The following PDE8B variants were observed in gnomAD, a reference collection of about 807,000 sequenced individuals.
PDE8B encodes high affinity cAMP-specific and IBMX-insensitive 3',5'-cyclic phosphodiesterase 8B.
A neutral mutation model predicts 101.3 loss-of-function variants in PDE8B; 26 were observed. The ratio of observed to expected loss-of-function variants is 0.26; its 90% CI spans 0.19 to 0.36. The LOEUF is 0.36. PDE8B is among the 10% of genes least tolerant of loss of function. The pLI is 1.00. For synonymous variants in PDE8B, 424 were observed against 429.3 expected (o/e 0.99, Z 0.15); for missense variants, 810 against 1,163.1 (o/e 0.70, Z 4.42).
Position 77,342,671 on chromosome 5 carries a change from A to G in PDE8B, c.798-2182A>G, listed in dbSNP as rs559887096. On this transcript the variant is annotated intron_variant, in intron 6 of 21. Transcript: ENST00000264917. ...TGCTGTGTTGGACAGTAAATAGCTT[A>G]CTGTATTTGGAGTTGCTCTAGATTA... is the stretch of plus-strand genomic sequence containing the variant. Among the ~76,000 whole-genome samples, 22 of 152,288 alleles carry G rather than the reference A, an allele frequency of 1.4e-4. No individual in the cohort carries two copies. In the East Asian group the frequency reaches 4.1e-3, roughly 28 times the overall value.
At chr5:77,275,753 C>T (rs899580598) in intron 1 of PDE8B, among the ~76,000 whole-genome samples, 21 of 152,322 alleles carry the variant, frequency 1.4e-4, no homozygotes, top group Non-Finnish European at 1.5e-4. Flanking sequence ...TTGTGTCCCA[C>T]GTGCAAAGTG....
the PDE8B span, among the ~76,000 whole-genome samples, chr5:77,149,710 G>T: frequency 1.3e-5 from 2 of 152,238 alleles, no homozygotes; most frequent in African/African-American, 4.8e-5. Flanking sequence ...CTTAGATCCT[G>T]CAGCTTTGCT....
the PDE8B span, among the ~76,000 whole-genome samples, chr5:77,173,947 T>C: frequency 6.6e-6 from 1 of 152,226 alleles, no homozygotes; most frequent in Non-Finnish European, 1.5e-5. Context: ...TAGCACACTC[T>C]GTCCTTGGCC....
the PDE8B span, among the ~76,000 whole-genome samples, chr5:77,162,550 G>A: frequency 2.9e-3 from 446 of 152,290 alleles, 2 homozygotes; most frequent in African/African-American, 0.01. Flanking sequence ...TTAAATAAAT[G>A]TGGTACTAGG....
chr5:77,426,667 A>C lies in PDE8B; in HGVS notation c.*113A>C. Reference sequence around the variant, plus strand: ...ATGACAGGTATTGGTGAAGGAGCTAATGTTTAATATTTGACCTTGAATCAT... The same window carrying C: ...ATGACAGGTATTGGTGAAGGAGCTACTGTTTAATATTTGACCTTGAATCAT... On this transcript the variant is annotated 3_prime_UTR_variant, in exon 22 of 22. Transcript: ENST00000264917. 1 of 716,250 alleles carries C rather than the reference A, an allele frequency of 1.4e-6. No homozygotes were observed. Among genetic ancestry groups the C allele is most frequent in the South Asian group, 1.5e-5 (1 of 66,174 alleles). 44.4% of individuals were successfully genotyped at this position (716,250 alleles called of 1,614,324 possible). A position where few individuals can be genotyped will look rare whatever the true frequency, so the allele number is the denominator to read the frequency against.
At chr5:77,296,888 T>C (rs1226956155) in intron 1 of PDE8B, among the ~76,000 whole-genome samples, 1 of 152,166 alleles carries the variant, frequency 6.6e-6, no homozygotes, top group East Asian at 1.9e-4. Flanking sequence ...CTGATACTGG[T>C]GTTCTCCAGA....
At chr5:77,328,922 T>C (rs1776581457) in intron 3 of PDE8B, 76 bp from the exon 4 acceptor site, 3 of 1,056,446 alleles carry the variant, frequency 2.8e-6, no homozygotes, top group Admixed American at 3.4e-5. Context: ...TCATTTTCAG[T>C]GTGAAGAAGT....
At chr5:77,182,619 A>C in the PDE8B span, among the ~76,000 whole-genome samples, 2 of 152,168 alleles carry the variant, frequency 1.3e-5, no homozygotes, top group Non-Finnish European at 2.9e-5. Context: ...CAATTGACTT[A>C]CCTGGGAATG....
chr5:77,403,922 G>A (rs1054753196), intron 11 of PDE8B, among the ~76,000 whole-genome samples: 3 of 151,922 alleles, frequency 2.0e-5, no homozygotes, highest in Admixed American at 6.6e-5. Context: ...AGGTTCAAGC[G>A]ATCCTCCTGC....
intron 10 of PDE8B, among the ~76,000 whole-genome samples, chr5:77,369,659 A>G (rs777735398): frequency 7.9e-5 from 12 of 152,258 alleles, no homozygotes; most frequent in Non-Finnish European, 1.3e-4. Context: ...CTTATTCAGC[A>G]GATGAAGAAA....
At chr5:77,363,436 T>G (rs983586747) in intron 10 of PDE8B, among the ~76,000 whole-genome samples, 3 of 152,032 alleles carry the variant, frequency 2.0e-5, no homozygotes, top group African/African-American at 7.2e-5. Flanking sequence ...ATTGTAGGCC[T>G]GGTGCGGTGG....
intron 1 of PDE8B, among the ~76,000 whole-genome samples, chr5:77,307,512 T>A (rs1216180101): frequency 6.6e-6 from 1 of 152,186 alleles, no homozygotes; most frequent in Non-Finnish European, 1.5e-5. Context: ...TATTCCTAAT[T>A]TTGCAGTCAT....
intron 1 of PDE8B, among the ~76,000 whole-genome samples, chr5:77,309,562 A>T (rs554656936): frequency 6.6e-6 from 1 of 152,114 alleles, no homozygotes; most frequent in South Asian, 2.1e-4. Context: ...CTCAAGAGAG[A>T]TCACAGGGCA....
chr5:77,168,787 C>T, the PDE8B span, among the ~76,000 whole-genome samples: 7 of 152,222 alleles, frequency 4.6e-5, no homozygotes, highest in African/African-American at 1.7e-4. Context: ...GCATTTCTAA[C>T]ATGGGTCCCT....
At chr5:77,380,577 T>C (rs1787257062) in intron 10 of PDE8B, among the ~76,000 whole-genome samples, 3 of 152,232 alleles carry the variant, frequency 2.0e-5, no homozygotes, top group Admixed American at 2.0e-4. Context: ...GCCAAATTAT[T>C]AATAACAGTG....
At chr5:77,313,528 C>T (rs937405918) in intron 2 of PDE8B, among the ~76,000 whole-genome samples, 1 of 152,164 alleles carries the variant, frequency 6.6e-6, no homozygotes, top group Non-Finnish European at 1.5e-5. Flanking sequence ...TTCCAGAATA[C>T]TTTTTGGGAT....
chr5:77,244,968 A>G (rs1232098142), intron 1 of PDE8B, among the ~76,000 whole-genome samples: 1 of 152,244 alleles, frequency 6.6e-6, no homozygotes, highest in Non-Finnish European at 1.5e-5. Flanking sequence ...AAAGTTTAAT[A>G]CAAAAATATC....
the PDE8B span, chr5:77,166,787 A>T: frequency 6.6e-6 from 1 of 152,304 alleles, no homozygotes; most frequent in African/African-American, 2.4e-5. Flanking sequence ...TGGTTATCCC[A>T]CACCAAGCTC....
At chr5:77,353,299 G>T in intron 9 of PDE8B, 47 bp from the exon 10 acceptor site, 2 of 1,001,556 alleles carry the variant, frequency 2.0e-6, no homozygotes, top group South Asian at 2.5e-5. Context: ...CTGATTTGTT[G>T]AATCATCTCA....
Sources: allele counts gnomAD v4.1 joint callset (sites outside exome capture counted in the v4.1 genomes callset), GRCh38; gene constraint gnomAD v4.1.1; transcripts MANE v1.5; gene names NCBI Gene and HGNC (gene_info 2026-07-23, HGNC 2026-07-21).